ANLN: variants seen among roughly 807,000 people sequenced by gnomAD.
ANLN encodes the protein anillin.
A neutral mutation model predicts 135.1 loss-of-function variants in ANLN; 59 were observed. That is an observed-to-expected ratio of 0.44 (90% CI 0.35 to 0.54). The LOEUF (loss-of-function observed/expected upper bound fraction) is 0.54, where lower values mean the gene tolerates loss of function less well. ANLN is among the 20% of genes least tolerant of loss of function. The probability of loss-of-function intolerance (pLI) is 0.00; values close to 1 mark genes in which losing one functional copy is unlikely to be tolerated. For synonymous variants in ANLN, 406 were observed against 456.4 expected, an observed-to-expected ratio of 0.89 and a Z score of 1.41; for missense variants, 1,182 against 1,340.0, an observed-to-expected ratio of 0.88 and a Z score of 1.84.
chr7:36,448,084 G>T (rs562263458), intron 22 of ANLN, among the ~76,000 whole-genome samples: 31 of 151,908 alleles, frequency 2.0e-4, no homozygotes, highest in African/African-American at 7.5e-4. Context: ...GCACGATCTC[G>T]GCTCACTGCA....
In ANLN at chr7:36,452,575, G is replaced by T; in HGVS notation, c.3350G>T (p.Cys1117Phe). 6.2e-7 allele frequency: 1 copy of T among 1,614,002 alleles called. No individual in the cohort carries two copies. Among genetic ancestry groups the T allele is most frequent in the South Asian group, 1.1e-5 (1 of 91,082 alleles). Residue 1117 changes from cysteine to phenylalanine, a missense_variant, in exon 24 of 24, where the codon TGC becomes TTC. Transcript: ENST00000265748. ...VDIRLWQPDACYKPIGKP is the reference protein window; with the variant it reads ...VDIRLWQPDAFYKPIGKP ...ATTCGCCTCTGGCAACCTGATGCTT[G>T]CTACAAACCTATTGGAAAGCCTTAA...
rs1381874488 is a variant in ANLN at position 36,452,577 on chromosome 7, T to C, written c.3352T>C (p.Tyr1118His). The change falls in exon 24 of 24, where the codon TAC becomes CAC. Residue 1118 changes from tyrosine (Y) to histidine (H), a missense_variant. Coordinates refer to ENST00000265748, the MANE Select transcript of ANLN (RefSeq NM_018685.5). ...DIRLWQPDAC[Y>H]KPIGKP ...TCGCCTCTGGCAACCTGATGCTTGC[T>C]ACAAACCTATTGGAAAGCCTTAAAC... is the stretch of plus-strand genomic sequence containing the variant. 1 of 1,613,964 alleles carries C rather than the reference T, an allele frequency of 6.2e-7. No homozygotes were observed. Among genetic ancestry groups the C allele is most frequent in the Non-Finnish European group, 8.5e-7 (1 of 1,179,948 alleles).
chr7:36,414,222 A>C (rs1272983765), intron 7 of ANLN, among the ~76,000 whole-genome samples: 1 of 152,174 alleles, frequency 6.6e-6, no homozygotes, highest in African/African-American at 2.4e-5. Context: ...CAGTGAGTGC[A>C]GGCATTTCTT....
At position 36,415,890 on chromosome 7, in the gene ANLN, T is replaced by C; in HGVS notation, c.1522+6T>C. On this transcript the variant is annotated splice_donor_region_variant and intron_variant, in intron 8 of 23. Coordinates refer to ENST00000265748, the MANE Select transcript of ANLN (RefSeq NM_018685.5). ...TTCTAGTACAGAACCTAAAGGTCAG[T>C]GTTTCCAGATTGTTCATGGTTAGTA... The C allele has an allele frequency of 1.3e-6, 2 of 1,573,302 alleles. No individual in the cohort carries two copies. The highest frequency in any genetic ancestry group is 4.1e-5 in the Admixed American group (2 of 49,234).
intron 7 of ANLN, among the ~76,000 whole-genome samples, chr7:36,411,376 T>C (rs549428615): frequency 6.6e-6 from 1 of 152,386 alleles, no homozygotes; most frequent in African/African-American, 2.4e-5. Flanking sequence ...ACCATATTCA[T>C]TGATGACCTT....
rs760776548 is a variant in ANLN at position 36,439,174 on chromosome 7, T to C, written c.2884-30T>C. 8 of 1,266,082 alleles carry C rather than the reference T, an allele frequency of 6.3e-6. No individual in the cohort carries two copies. In the South Asian group the frequency reaches 8.7e-5, roughly 14 times the overall value. The allele number at this position is 1,266,082 out of a possible 1,614,324, so 78.4% of individuals were successfully genotyped here. On this transcript the variant is annotated intron_variant, in intron 20 of 23. Transcript: ENST00000265748. ...AGAAAAATCACACTTTGAACCTGTT[T>C]TGCAAATAATTTACCTGTTTTCTTT...
intron 20 of ANLN, among the ~76,000 whole-genome samples, chr7:36,433,860 C>T (rs1421420979): frequency 1.3e-5 from 2 of 151,808 alleles, no homozygotes; most frequent in Admixed American, 1.3e-4. Flanking sequence ...CTGAAATTTT[C>T]ATTTGGATTT....
intron 1 of ANLN, among the ~76,000 whole-genome samples, chr7:36,392,825 C>G (rs1786535364): frequency 6.6e-6 from 1 of 151,812 alleles, no homozygotes; most frequent in East Asian, 1.9e-4. Flanking sequence ...ATGACAAAAT[C>G]ACATTCTTTT....
At chr7:36,400,536 T>G (rs1172395649) in intron 3 of ANLN, among the ~76,000 whole-genome samples, 2 of 152,098 alleles carry the variant, frequency 1.3e-5, no homozygotes, top group Non-Finnish European at 2.9e-5. Context: ...ATTTTTTTTG[T>G]ATCTTTTGGT....
chr7:36,396,825 A>T (rs1297570549), intron 2 of ANLN, among the ~76,000 whole-genome samples: 1 of 152,184 alleles, frequency 6.6e-6, no homozygotes, highest in Non-Finnish European at 1.5e-5. Flanking sequence ...TGGAAGGCAC[A>T]CTGCCCATGC....
rs534370537 is a variant in ANLN, at chr7:36,406,631, T to C, written c.873+65T>C. 9.2e-5 allele frequency: 127 copies of C among 1,379,860 alleles called. No individual in the cohort carries two copies. The East Asian group carries it at 3.0e-3, about 32-fold the overall frequency. 85.5% of individuals were successfully genotyped at this position (1,379,860 alleles called of 1,614,324 possible). Reference sequence around the variant, plus strand: ...TTTTCGTTATGAGTGGTATAATACATCTGTGTGTATGTGCAGGTGGATGGG... The same window carrying C: ...TTTTCGTTATGAGTGGTATAATACACCTGTGTGTATGTGCAGGTGGATGGG... On this transcript the variant is annotated intron_variant, in intron 4 of 23. Transcript: ENST00000265748.
At chr7:36,440,960 G>A (rs1438927782) in intron 21 of ANLN, among the ~76,000 whole-genome samples, 2 of 152,118 alleles carry the variant, frequency 1.3e-5, no homozygotes, top group South Asian at 2.1e-4. Context: ...TAGATATTAA[G>A]GAAAGCCCGG....
At chr7:36,391,441 A>G (rs753023786) in intron 1 of ANLN, among the ~76,000 whole-genome samples, 2 of 152,224 alleles carry the variant, frequency 1.3e-5, no homozygotes, top group Non-Finnish European at 2.9e-5. Context: ...CAACTGAAAG[A>G]AACTTTACCT....
intron 1 of ANLN, among the ~76,000 whole-genome samples, chr7:36,392,512 G>GTT (rs1562780243): frequency 1.6e-4 from 7 of 43,928 alleles, no homozygotes; most frequent in Non-Finnish European, 4.1e-4. Flanking sequence ...TTATTGCAGT[G>GTT]GTTTTTTTTT....
chr7:36,421,515 G>A (rs1787875476), intron 12 of ANLN, among the ~76,000 whole-genome samples: 1 of 151,932 alleles, frequency 6.6e-6, no homozygotes, highest in Non-Finnish European at 1.5e-5. Flanking sequence ...ACCATGCCTG[G>A]CCCTAAGGAA....
chr7:36,396,428 CTT>C lies in ANLN; in HGVS notation c.172+11_172+12del. The C allele has an allele frequency of 1.3e-6, 2 of 1,534,354 alleles. No individual in the cohort carries two copies. The highest frequency in any genetic ancestry group is 2.3e-5 in the East Asian group (1 of 43,544). On this transcript the variant is annotated intron_variant, in intron 2 of 23. Coordinates refer to ENST00000265748, the MANE Select transcript of ANLN (RefSeq NM_018685.5). The stretch of plus-strand genomic sequence containing the variant: ...CCTCTCTGGTGGTGAAGGTAAAAGA[CTT>C]TGTGGGGAAAAATAACATTTACTTT...
At chr7:36,425,613 T>G in intron 17 of ANLN, 89 bp from the exon 18 acceptor site, 1 of 1,038,100 alleles carries the variant, frequency 9.6e-7, no homozygotes, top group East Asian at 2.6e-5. Context: ...TTATTTTCTA[T>G]GTAGGAATTT....
chr7:36,423,854 A>T lies in ANLN; in HGVS notation c.2514A>T (p.Ala838=). 1 of 1,612,298 alleles carries T rather than the reference A, an allele frequency of 6.2e-7. No homozygotes were observed. The highest frequency in any genetic ancestry group is 2.2e-5 in the East Asian group (1 of 44,716). Residue 838 remains alanine, a synonymous_variant, in exon 15 of 24, where the codon GCA becomes GCT. Coordinates refer to ENST00000265748, the MANE Select transcript of ANLN (RefSeq NM_018685.5). ...ANYYYLIILK[A]GAENMVATPL... is the part of the protein sequence containing the mutation. ...ACTATTACTTAATTATACTAAAAGCAGGAGCTGAAAATATGGTAGCCACAC... is the reference window on the plus strand; with the variant it reads ...ACTATTACTTAATTATACTAAAAGCTGGAGCTGAAAATATGGTAGCCACAC...
chr7:36,413,469 A>G (rs1472473025), intron 7 of ANLN, among the ~76,000 whole-genome samples: 1 of 152,224 alleles, frequency 6.6e-6, no homozygotes, highest in Non-Finnish European at 1.5e-5. Context: ...CCAGTGTATC[A>G]TATTCTCATG....
Sources: gnomAD v4.1 joint callset for allele counts (sites outside exome capture counted in the v4.1 genomes callset) on GRCh38, gnomAD v4.1.1 for gene constraint, MANE v1.5 for transcripts, NCBI Gene and HGNC (gene_info 2026-07-23, HGNC 2026-07-21) for gene names.